ITGA3: variants seen among roughly 807,000 people sequenced by gnomAD.
The protein encoded by ITGA3 is integrin subunit alpha 3.
Under a neutral mutation model 131.1 loss-of-function variants are expected in ITGA3, and 70 were observed. That is an observed-to-expected ratio of 0.53 (90% CI 0.44 to 0.65). The LOEUF (loss-of-function observed/expected upper bound fraction) is 0.65. Ranked by LOEUF, ITGA3 falls within the 30% of genes least tolerant of loss-of-function variation. The probability of loss-of-function intolerance (pLI) is 0.00; values close to 1 mark genes in which losing one functional copy is unlikely to be tolerated. For synonymous variants in ITGA3, 537 were observed against 571.6 expected (o/e 0.94, Z 0.86); for missense variants, 1,098 against 1,388.6 (o/e 0.79, Z 3.33).
intron 23 of ITGA3, among the ~76,000 whole-genome samples, chr17:50,085,079 G>A (rs1239121030): frequency 1.3e-5 from 2 of 151,720 alleles, no homozygotes; most frequent in Admixed American, 1.3e-4. Flanking sequence ...GCGGGCGCCT[G>A]TAATCCCAGC....
Position 50,090,219 on chromosome 17 carries a change from G to T in ITGA3, c.*1141G>T, listed in dbSNP as rs763617149. On this transcript the variant is annotated 3_prime_UTR_variant, in exon 26 of 26. Coordinates refer to ENST00000320031, the MANE Select transcript of ITGA3 (RefSeq NM_002204.4). ...ACCCCACGCTGACCATGCGTCAGGG[G>T]CCTAGAGGTGGAGTTCTTAGCTATC... is the stretch of plus-strand genomic sequence containing the variant. 2.2e-6 allele frequency: 1 copy of T among 456,484 alleles called. No individual in the cohort carries two copies. Among genetic ancestry groups the T allele is most frequent in the South Asian group, 1.5e-5 (1 of 64,556 alleles). The allele number at this position is 456,484 out of a possible 1,614,324, so 28.3% of individuals were successfully genotyped here. A position where few individuals can be genotyped will look rare whatever the true frequency, so the allele number is the denominator to read the frequency against.
In ITGA3 at chr17:50,075,639, GC is replaced by G; in HGVS notation, c.1582del (p.Arg528GlyfsTer30). 1.9e-6 allele frequency: 3 copies of G among 1,614,186 alleles called. No individual in the cohort carries two copies. The highest frequency in any genetic ancestry group is 2.5e-6 in the Non-Finnish European group (3 of 1,180,018). Reference protein sequence around the residue: ...TLEADRDRRPPRLRFAGSESA... With the variant: ...TLEADRDRRPXRLRFAGSESA... ...TGGAGGCTGACAGGGACCGCCGGCC[GC>G]CCCGGCTCCGCTTTGCCGGCAGTGA... On this transcript the variant is annotated frameshift_variant, in exon 12 of 26. Coordinates refer to ENST00000320031, the MANE Select transcript of ITGA3 (RefSeq NM_002204.4). LOFTEE classifies it high-confidence loss of function.
chr17:50,071,626 C>A, intron 6 of ITGA3, 108 bp downstream of exon 6: 1 of 1,083,230 alleles, frequency 9.2e-7, no homozygotes, highest in Non-Finnish European at 1.3e-6. Context: ...CGGCTGTCTG[C>A]ATGTTGTTTG....
In ITGA3 at chr17:50,079,454, C is replaced by T. The variant is rs774360825; in HGVS notation, c.2603C>T (p.Ser868Leu). The change falls in exon 21 of 26, where the codon TCA (serine) becomes TTA (leucine). Residue 868 changes from serine to leucine, a missense_variant. Transcript: ENST00000320031. ...LTLSDPGDRP[S>L]SPQRRRRQLD... The stretch of plus-strand genomic sequence containing the variant: ...CTCCAGGACCCTGGGGACAGGCCAT[C>T]ATCCCCACAGCGCAGGCGGCGACAG... 19 of 1,573,130 alleles carry T rather than the reference C, an allele frequency of 1.2e-5. No individual in the cohort carries two copies. The highest frequency in any genetic ancestry group is 1.6e-5 in the Non-Finnish European group (18 of 1,160,020).
intron 10 of ITGA3, 133 bp from the exon 11 acceptor site, chr17:50,075,326 T>A: frequency 1.2e-6 from 1 of 828,608 alleles, no homozygotes; most frequent in Non-Finnish European, 2.0e-6. Flanking sequence ...ACCTGCTTTG[T>A]GGACTCCCCA....
chr17:50,064,175 A>C lies in ITGA3; in HGVS notation c.305A>C (p.Asp102Ala). The change falls in exon 2 of 26, where the codon GAC becomes GCC. Residue 102 changes from aspartate (D) to alanine (A), a missense_variant. Coordinates refer to ENST00000320031, the MANE Select transcript of ITGA3 (RefSeq NM_002204.4). The surrounding 1 kb of genome is among the most constrained non-coding windows in gnomAD (Gnocchi z 4.4). ...TGCCCACTCACTGCCCACAAGGATGACTGTGAGCGGATGAACATCACAGTG... is the reference window on the plus strand; with the variant it reads ...TGCCCACTCACTGCCCACAAGGATGCCTGTGAGCGGATGAACATCACAGTG... ...YLCPLTAHKD[D>A]CERMNITVKN... The C allele has an allele frequency of 6.2e-7, 1 of 1,610,388 alleles. No individual in the cohort carries two copies. Among genetic ancestry groups the C allele is most frequent in the Non-Finnish European group, 8.5e-7 (1 of 1,178,692 alleles).
chr17:50,070,783 G>T (rs1327488908), intron 4 of ITGA3, 61 bp from the exon 5 acceptor site: 1 of 1,147,988 alleles, frequency 8.7e-7, no homozygotes, highest in Non-Finnish European at 1.3e-6. Context: ...ACATGGTAGA[G>T]GAAACCAGAA....
Position 50,075,437 on chromosome 17 carries a change from C to T in ITGA3, c.1470-22C>T, listed in dbSNP as rs1421902599. 1.1e-5 allele frequency: 17 copies of T among 1,613,738 alleles called. No homozygotes were observed. In the South Asian group the frequency reaches 1.6e-4, roughly 16 times the overall value. On this transcript the variant is annotated intron_variant, in intron 10 of 25. Transcript: ENST00000320031. ...CGTGTGTGTCCCACTGTGACCCGCC[C>T]TCCTGTACATCCCTCCAACAGTGTG... is the stretch of plus-strand genomic sequence containing the variant.
In ITGA3 at chr17:50,071,956, A is replaced by T. The variant is rs1406886661; in HGVS notation, c.960-30A>T. On this transcript the variant is annotated intron_variant, in intron 6 of 25. Coordinates refer to ENST00000320031, the MANE Select transcript of ITGA3 (RefSeq NM_002204.4). ...ATGCTGCATATTGGAGGCTGACCTC[A>T]CACTCCCATTTCCCTCCTCTCCTGT... The T allele has an allele frequency of 4.4e-6, 7 of 1,593,646 alleles. No individual in the cohort carries two copies. The African/African-American group carries it at 8.1e-5, about 18-fold the overall frequency.
chr17:50,072,512 T>A (rs1237243968), intron 7 of ITGA3, among the ~76,000 whole-genome samples: 2 of 146,800 alleles, frequency 1.4e-5, no homozygotes, highest in Non-Finnish European at 3.0e-5. Context: ...GGGTGTAGAG[T>A]GTTCACATCA....
chr17:50,086,346 T>A (rs1206985012), intron 23 of ITGA3: 2 of 147,636 alleles, frequency 1.4e-5, no homozygotes, highest in Non-Finnish European at 3.0e-5. Flanking sequence ...TCTGTATTTT[T>A]AAAAAAATCA....
intron 23 of ITGA3, among the ~76,000 whole-genome samples, chr17:50,082,904 A>G (rs1909246591): frequency 1.3e-5 from 2 of 152,248 alleles, no homozygotes; most frequent in Non-Finnish European, 2.9e-5. Context: ...GAAACTTGAA[A>G]AAGAAGTTCC....
At chr17:50,074,326 TTGTC>T (rs1908778932) in intron 9 of ITGA3, 46 bp downstream of exon 9, 3 of 1,607,844 alleles carry the variant, frequency 1.9e-6, no homozygotes, top group East Asian at 2.2e-5. Context: ...TTCTTCATCT[TTGTC>T]TGCACAGATT....
At chr17:50,088,102 C>G (rs1458631031) in intron 24 of ITGA3, 123 bp from the exon 25 acceptor site, 1 of 1,339,434 alleles carries the variant, frequency 7.5e-7, no homozygotes, top group Non-Finnish European at 1.0e-6. Context: ...ACCACACCAC[C>G]AAGCTGGGAC....
Position 50,080,269 on chromosome 17 carries a change from C to A in ITGA3, c.2714C>A (p.Ala905Asp). Residue 905 changes from alanine to aspartate, a missense_variant, in exon 22 of 26, where the codon GCC becomes GAC. By Grantham distance (126) the Ala-to-Asp change is moderately radical. Coordinates refer to ENST00000320031, the MANE Select transcript of ITGA3 (RefSeq NM_002204.4). ...KAKSETVLTC[A>D]TGRAHCVWLE... is the part of the protein sequence containing the mutation. ...GTTCCCTGCCCGCCTCAGACCTGTG[C>A]CACAGGGCGTGCCCACTGTGTGTGG... 2 of 1,605,858 alleles carry A rather than the reference C, an allele frequency of 1.2e-6. No homozygotes were observed. Among genetic ancestry groups the A allele is most frequent in the Non-Finnish European group, 8.5e-7 (1 of 1,173,826 alleles).
intron 1 of ITGA3, among the ~76,000 whole-genome samples, chr17:50,057,040 G>GA (rs1388787208): frequency 6.6e-6 from 1 of 152,212 alleles, no homozygotes; most frequent in Non-Finnish European, 1.5e-5. Context: ...ACGCTTGGGG[G>GA]AAAAATGAGC....
chr17:50,087,543 A>G, intron 23 of ITGA3: 1 of 541,588 alleles, frequency 1.8e-6, no homozygotes, highest in Non-Finnish European at 3.3e-6. Flanking sequence ...GCTCCTCTGG[A>G]GTCAAGTCTG....
chr17:50,058,190 G>A (rs1240502544), intron 1 of ITGA3, among the ~76,000 whole-genome samples: 1 of 152,228 alleles, frequency 6.6e-6, no homozygotes, highest in Non-Finnish European at 1.5e-5. Flanking sequence ...CCTGGGCCAG[G>A]TTTCCCCCAA....
intron 23 of ITGA3, among the ~76,000 whole-genome samples, chr17:50,085,876 G>T (rs1420037058): frequency 7.9e-6 from 1 of 126,886 alleles, no homozygotes; most frequent in African/African-American, 2.9e-5. Flanking sequence ...ATACATTATA[G>T]ATTTATAATG....
Sources: gnomAD v4.1 joint callset for allele counts (sites outside exome capture counted in the v4.1 genomes callset) on GRCh38, gnomAD v4.1.1 for gene constraint, Gnocchi (gnomAD v3.1) non-coding constraint, MANE v1.5 for transcripts, NCBI Gene and HGNC (gene_info 2026-07-23, HGNC 2026-07-21) for gene names.